SPAG17: variants seen among roughly 807,000 people sequenced by gnomAD.
SPAG17 encodes sperm associated antigen 17.
In SPAG17, 169 loss-of-function variants were observed where a neutral mutation model predicts 273.6. The observed-to-expected ratio is 0.62, with a 90% CI of 0.55 to 0.70. SPAG17 has a LOEUF of 0.70. Among genes scored for constraint, SPAG17 ranks in the 30% least tolerant of loss-of-function variants. SPAG17 has a pLI of 0.00. For synonymous variants in SPAG17, 825 were observed against 873.2 expected (o/e 0.94, Z 0.97); for missense variants, 2,557 against 2,627.8 (o/e 0.97, Z 0.59).
chr1:118,003,671 T>C (rs978728782), intron 32 of SPAG17, among the ~76,000 whole-genome samples: 1 of 152,226 alleles, frequency 6.6e-6, no homozygotes, highest in Non-Finnish European at 1.5e-5. Flanking sequence ...CATGAGGTCA[T>C]TTAATGTCTT....
Position 118,066,800 on chromosome 1 carries a change from G to T in SPAG17, c.2485C>A (p.Gln829Lys). 6.2e-7 allele frequency: 1 copy of T among 1,613,642 alleles called. No homozygotes were observed. Among genetic ancestry groups the T allele is most frequent in the Non-Finnish European group, 8.5e-7 (1 of 1,179,730 alleles). Residue 829 changes from glutamine (Q) to lysine (K), a missense_variant, in exon 18 of 49, where the codon CAA becomes AAA. Transcript: ENST00000336338. ...TTCCAATATTCACAATGCAAACGTT[G>T]TCTATTCATTGGATTGTGAAAGACT... Reference protein sequence around the residue: ...LLVFHNPMNRQRLHCEYWNIA... With the variant: ...LLVFHNPMNRKRLHCEYWNIA...
chr1:117,985,008 A>G (rs1413233756), intron 40 of SPAG17, among the ~76,000 whole-genome samples: 1 of 152,226 alleles, frequency 6.6e-6, no homozygotes, highest in Non-Finnish European at 1.5e-5. Flanking sequence ...CATGTAAGAT[A>G]AGAAATAATG....
chr1:118,122,151 G>GTC (rs1408675359), intron 3 of SPAG17, among the ~76,000 whole-genome samples: 4 of 120,226 alleles, frequency 3.3e-5, no homozygotes, highest in African/African-American at 1.4e-4. Flanking sequence ...GTGTCTGTGT[G>GTC]TCTGTGTGTG....
chr1:117,955,181 C>A, intron 48 of SPAG17: 1 of 667,620 alleles, frequency 1.5e-6, no homozygotes, highest in Non-Finnish European at 2.5e-6. Context: ...TAAACTCATG[C>A]AGATCTTGCC....
In SPAG17 at chr1:118,025,387, A is replaced by T. The variant is rs200174498; in HGVS notation, c.3760T>A (p.Trp1254Arg). Reference protein sequence around the residue: ...GQYVIDEEPTWDIMVRQSYPQ... With the variant: ...GQYVIDEEPTRDIMVRQSYPQ... ...TAGCTCTGACGGACCATGATGTCCC[A>T]GGTGGGTTCCTCATCTATAACATAT... Residue 1254 changes from tryptophan (W) to arginine (R), a missense_variant, in exon 27 of 49, where the codon TGG (tryptophan) becomes AGG (arginine). By Grantham distance (101) the Trp-to-Arg change is moderately radical. Transcript: ENST00000336338. 1.6e-4 allele frequency: 249 copies of T among 1,599,100 alleles called. No homozygotes were observed. The highest frequency in any genetic ancestry group is 2.1e-4 in the Non-Finnish European group (241 of 1,174,568).
chr1:118,081,381 C>A, intron 14 of SPAG17, 34 bp downstream of exon 14: 1 of 1,611,968 alleles, frequency 6.2e-7, no homozygotes, highest in Non-Finnish European at 8.5e-7. Context: ...TCATAAAATA[C>A]AAGAATGCTT....
chr1:118,121,165 T>C (rs1028718439), intron 3 of SPAG17, among the ~76,000 whole-genome samples: 4 of 151,936 alleles, frequency 2.6e-5, no homozygotes, highest in African/African-American at 9.7e-5. Context: ...GAAGGGAAAA[T>C]GGAACTTCCC....
At chr1:118,040,407 T>C (rs571713637) in intron 22 of SPAG17, among the ~76,000 whole-genome samples, 2 of 152,296 alleles carry the variant, frequency 1.3e-5, no homozygotes, top group South Asian at 2.1e-4. Context: ...GATAACAAGG[T>C]GTGCTGTAAT....
chr1:118,059,662 C>T (rs1219161425), intron 18 of SPAG17, among the ~76,000 whole-genome samples: 1 of 152,064 alleles, frequency 6.6e-6, no homozygotes, highest in Non-Finnish European at 1.5e-5. Flanking sequence ...CTGACCTTGT[C>T]ATTATATAAT....
At chr1:118,003,716 A>C (rs1260318035) in intron 32 of SPAG17, among the ~76,000 whole-genome samples, 2 of 152,148 alleles carry the variant, frequency 1.3e-5, no homozygotes, top group Non-Finnish European at 2.9e-5. Flanking sequence ...CCATTCGTCT[A>C]AGCTTTTTTC....
intron 32 of SPAG17, among the ~76,000 whole-genome samples, chr1:118,004,536 C>T (rs1157039795): frequency 6.6e-6 from 1 of 152,246 alleles, no homozygotes; most frequent in Non-Finnish European, 1.5e-5. Flanking sequence ...CCCCCTCCCC[C>T]AGCCAGGCTG....
chr1:118,160,069 A>G (rs183637149), intron 1 of SPAG17, among the ~76,000 whole-genome samples: 8 of 152,324 alleles, frequency 5.3e-5, no homozygotes, highest in African/African-American at 1.9e-4. Flanking sequence ...CTTCTAACAG[A>G]GGAGACCAAG....
intron 1 of SPAG17, among the ~76,000 whole-genome samples, chr1:118,158,595 T>C (rs1301317488): frequency 6.6e-6 from 1 of 152,212 alleles, no homozygotes; most frequent in African/African-American, 2.4e-5. Context: ...TTGAAGTTTA[T>C]TTTTGATAGG....
At chr1:118,161,517 A>AT (rs899034074) in intron 1 of SPAG17, among the ~76,000 whole-genome samples, 3 of 151,894 alleles carry the variant, frequency 2.0e-5, no homozygotes, top group African/African-American at 4.8e-5. Context: ...TGCAATTATC[A>AT]TTTTTTTTAA....
At chr1:118,109,153 T>A (rs1656598474) in intron 4 of SPAG17, among the ~76,000 whole-genome samples, 1 of 151,846 alleles carries the variant, frequency 6.6e-6, no homozygotes, top group Non-Finnish European at 1.5e-5. Context: ...TTATTCTTTT[T>A]TTTTTTTGAG....
intron 3 of SPAG17, among the ~76,000 whole-genome samples, chr1:118,136,084 G>A (rs1236432127): frequency 6.6e-6 from 1 of 152,060 alleles, no homozygotes; most frequent in Non-Finnish European, 1.5e-5. Flanking sequence ...GGTTGTTGGT[G>A]GGATCAAAAT....
chr1:118,036,857 A>G lies in SPAG17; in HGVS notation c.3346T>C (p.Phe1116Leu). The change falls in exon 24 of 49, where the codon TTC becomes CTC. Residue 1116 changes from phenylalanine to leucine, a missense_variant. Coordinates refer to ENST00000336338, the MANE Select transcript of SPAG17 (RefSeq NM_206996.4). ...TEVSDAKNKA[F>L]SKFGSFSATL... is the part of the protein sequence containing the mutation. The stretch of plus-strand genomic sequence containing the variant: ...GCAGAAAAAGATCCAAACTTGCTGA[A>G]AGCTTTATTCTTTGCATCTGATACT... 1 of 1,558,644 alleles carries G rather than the reference A, an allele frequency of 6.4e-7. No individual in the cohort carries two copies. The highest frequency in any genetic ancestry group is 8.7e-7 in the Non-Finnish European group (1 of 1,149,772).
intron 1 of SPAG17, among the ~76,000 whole-genome samples, chr1:118,153,237 C>T (rs1017738184): frequency 2.6e-5 from 4 of 152,120 alleles, no homozygotes; most frequent in African/African-American, 7.2e-5. Context: ...TGTGAATCTG[C>T]CATGCGTCAG....
intron 15 of SPAG17, among the ~76,000 whole-genome samples, chr1:118,076,035 T>C (rs1013831273): frequency 1.3e-5 from 2 of 152,096 alleles, no homozygotes; most frequent in Non-Finnish European, 2.9e-5. Context: ...ATTATTATTA[T>C]TATTTTTAAC....
Sources: gnomAD v4.1 joint callset for allele counts (sites outside exome capture counted in the v4.1 genomes callset) on GRCh38, gnomAD v4.1.1 for gene constraint, MANE v1.5 for transcripts, NCBI Gene and HGNC (gene_info 2026-07-23, HGNC 2026-07-21) for gene names.